CST1: variants seen among roughly 807,000 people sequenced by gnomAD.
CST1 encodes cystatin-SN.
Under a neutral mutation model 10.7 loss-of-function variants are expected in CST1, and 19 were observed. The observed-to-expected ratio is 1.78, with a 90% CI of 1.24 to 2.61. The LOEUF (loss-of-function observed/expected upper bound fraction) is 2.61. Among genes scored for constraint, CST1 ranks in the 30% most tolerant of loss-of-function variants. The probability of loss-of-function intolerance (pLI) is 0.00; values close to 1 mark genes in which losing one functional copy is unlikely to be tolerated. For missense variants in CST1, 247 were observed against 178.1 expected (o/e 1.39, Z -2.20); for synonymous variants, 95 against 72.8 (o/e 1.31, Z -1.55).
chr20:23,749,262 C>A, intron 1 of CST1, 133 bp from the exon 2 acceptor site: 1 of 806,442 alleles, frequency 1.2e-6, no homozygotes. Flanking sequence ...CACACAAGCC[C>A]CCTCTTCCTG....
intron 1 of CST1, among the ~76,000 whole-genome samples, chr20:23,749,868 G>A (rs771000559): frequency 2.0e-5 from 3 of 149,338 alleles, no homozygotes; most frequent in South Asian, 2.2e-4. Context: ...AGTGTATCTC[G>A]TATGCAGGGA....
chr20:23,750,556 G>C, intron 1 of CST1, 83 bp downstream of exon 1: 1 of 1,234,810 alleles, frequency 8.1e-7, no homozygotes, highest in Non-Finnish European at 1.2e-6. Context: ...ATGTATCAGT[G>C]TTGATTTGCT....
rs1982699541 is a variant in CST1 at position 23,747,715 on chromosome 20, G to A, written c.*101C>T. The A allele has an allele frequency of 1.8e-6, 2 of 1,104,742 alleles. No individual in the cohort carries two copies. The highest frequency in any genetic ancestry group is 2.7e-6 in the Non-Finnish European group (2 of 746,860). The allele number at this position is 1,104,742 out of a possible 1,614,324, so 68.4% of individuals were successfully genotyped here. ...TGTCTGTCTCTTGGCGCAGGCACAT[G>A]GGGAGGCCTCCCGCAGGGTGGGGGC... is the stretch of plus-strand genomic sequence containing the variant. On this transcript the variant is annotated 3_prime_UTR_variant, in exon 3 of 3. Coordinates refer to ENST00000304749, the MANE Select transcript of CST1 (RefSeq NM_001898.3).
chr20:23,750,573 G>T (rs922708945), intron 1 of CST1, 66 bp downstream of exon 1: 12 of 1,385,764 alleles, frequency 8.7e-6, no homozygotes, highest in Non-Finnish European at 1.2e-5. Context: ...TGCTGGGAAT[G>T]CTCTTGGGGG....
Position 23,750,783 on chromosome 20 carries a change from C to T in CST1, c.84G>A (p.Arg28=), listed in dbSNP as rs1982816603. 1 of 1,614,046 alleles carries T rather than the reference C, an allele frequency of 6.2e-7. No individual in the cohort carries two copies. Among genetic ancestry groups the T allele is most frequent in the African/African-American group, 1.3e-5 (1 of 74,924 alleles). ...ALAWSPKEED[R]IIPGGIYNAD... Reference sequence around the variant, plus strand: ...CGTTATAGATGCCACCCGGGATTATCCTATCCTCCTCCTTGGGGCTCCAGG... The same window carrying T: ...CGTTATAGATGCCACCCGGGATTATTCTATCCTCCTCCTTGGGGCTCCAGG... Residue 28 remains arginine (R), a synonymous_variant, in exon 1 of 3, where the codon AGG becomes AGA. Transcript: ENST00000304749.
Position 23,747,841 on chromosome 20 carries a change from A to T in CST1, c.401T>A (p.Val134Glu), listed in dbSNP as rs1283806995. ...EVPWENRRSL[V>E]KSRCQES Reference sequence around the variant, plus strand: ...CTAGGATTCTTGACACCTGGATTTCACCAGGGACCTTCTGTTCTCCCAGGG... The same window carrying T: ...CTAGGATTCTTGACACCTGGATTTCTCCAGGGACCTTCTGTTCTCCCAGGG... The change falls in exon 3 of 3, where the codon GTG (valine) becomes GAG (glutamate). Residue 134 changes from valine to glutamate, a missense_variant. Val to Glu is a moderately radical substitution (Grantham distance 121, BLOSUM62 -2). Coordinates refer to ENST00000304749, the MANE Select transcript of CST1 (RefSeq NM_001898.3). 6.2e-7 allele frequency: 1 copy of T among 1,613,970 alleles called. No homozygotes were observed. Among genetic ancestry groups the T allele is most frequent in the Non-Finnish European group, 8.5e-7 (1 of 1,179,888 alleles).
At chr20:23,748,236 C>T (rs4549181) in intron 2 of CST1, among the ~76,000 whole-genome samples, 50,286 of 151,992 alleles carry the variant, frequency 0.33, 8,991 homozygotes, top group African/African-American at 0.47. Flanking sequence ...CTCCTTCCAC[C>T]TCCAGCACCC....
At chr20:23,748,134 C>A (rs1312974359) in intron 2 of CST1, among the ~76,000 whole-genome samples, 1 of 152,168 alleles carries the variant, frequency 6.6e-6, no homozygotes. Context: ...CTGCAGTGTC[C>A]TGTCCCAGCA....
chr20:23,748,757 T>C (rs1004447204), intron 2 of CST1, among the ~76,000 whole-genome samples: 2 of 150,918 alleles, frequency 1.3e-5, no homozygotes, highest in Non-Finnish European at 3.0e-5. Context: ...CCCCCACACA[T>C]CCATGCACAG....
In CST1 at chr20:23,747,651, G is replaced by T; in HGVS notation, c.*165C>A. 1 of 636,808 alleles carries T rather than the reference G, an allele frequency of 1.6e-6. No homozygotes were observed. Among genetic ancestry groups the T allele is most frequent in the South Asian group, 1.9e-5 (1 of 52,090 alleles). The allele number at this position is 636,808 out of a possible 1,614,324, so 39.4% of individuals were successfully genotyped here. A position where few individuals can be genotyped will look rare whatever the true frequency, so the allele number is the denominator to read the frequency against. ...GCAAGAAGGAAGGAGGGAGGGCAGAGCGCCCTGCTGAGCAACAAAGGACTC... is the reference window on the plus strand; with the variant it reads ...GCAAGAAGGAAGGAGGGAGGGCAGATCGCCCTGCTGAGCAACAAAGGACTC... On this transcript the variant is annotated 3_prime_UTR_variant, in exon 3 of 3. Transcript: ENST00000304749.
In CST1 at chr20:23,747,821, A is replaced by G. The variant is rs150764093; in HGVS notation, c.421T>C (p.Ser141Pro). The G allele has an allele frequency of 6.2e-7, 1 of 1,613,830 alleles. No individual in the cohort carries two copies. The highest frequency in any genetic ancestry group is 2.2e-5 in the East Asian group (1 of 44,860). Residue 141 changes from serine (S) to proline (P), a missense_variant, in exon 3 of 3, where the codon TCC (serine) becomes CCC (proline). By Grantham distance (74) the Ser-to-Pro change is moderately conservative (BLOSUM62 -1). Transcript: ENST00000304749. ...GAATGGCCTGGCACAGATCCCTAGG[A>G]TTCTTGACACCTGGATTTCACCAGG... ...RSLVKSRCQE[S>P]
At chr20:23,750,075 CACTGTCCTCA>C (rs1982787310) in intron 1 of CST1, among the ~76,000 whole-genome samples, 1 of 151,962 alleles carries the variant, frequency 6.6e-6, no homozygotes, top group Non-Finnish European at 1.5e-5. Flanking sequence ...GCTGGGTGAC[CACTGTCCTCA>C]TCTGGCTGAG....
chr20:23,750,245 G>A (rs547705648), intron 1 of CST1, among the ~76,000 whole-genome samples: 2 of 152,336 alleles, frequency 1.3e-5, no homozygotes, highest in East Asian at 3.9e-4. Flanking sequence ...ACTTGGGGAA[G>A]CAGGGCTCTG....
chr20:23,748,716 C>A (rs1478613170), intron 2 of CST1, among the ~76,000 whole-genome samples: 1 of 152,090 alleles, frequency 6.6e-6, no homozygotes, highest in Admixed American at 6.5e-5. Flanking sequence ...ACCCCTCATC[C>A]CCATGGATCT....
chr20:23,750,819 A>T lies in CST1; in HGVS notation c.48T>A (p.Ala16=). 1.2e-6 allele frequency: 2 copies of T among 1,614,012 alleles called. No individual in the cohort carries two copies. The highest frequency in any genetic ancestry group is 1.7e-6 in the Non-Finnish European group (2 of 1,179,968). ...CCTTGGGGCTCCAGGCCAGGGCCAC[A>T]GCTAGGGTGGCCAGCAGGAGCAGCA... ...STLLLLLATL[A]VALAWSPKEE... The change falls in exon 1 of 3, where the codon GCT becomes GCA. Residue 16 remains alanine, a synonymous_variant. Transcript: ENST00000304749.
intron 2 of CST1, among the ~76,000 whole-genome samples, chr20:23,748,288 G>A (rs1393752104): frequency 1.3e-5 from 2 of 152,108 alleles, no homozygotes; most frequent in Non-Finnish European, 2.9e-5. Flanking sequence ...ACCCAGGGCA[G>A]GGCAACTCCC....
rs187564181 is a variant in CST1 at position 23,749,501 on chromosome 20, A to C, written c.229-372T>G. 1.6e-3 allele frequency among the ~76,000 whole-genome samples: 241 copies of C among 152,286 alleles called. 2 individuals carry two copies. Among genetic ancestry groups the C allele is most frequent in the Non-Finnish European group, 1.3e-3 (88 of 68,022 alleles). ...CTCAGAGTAGGAAATGAGATGCTTCACACACACAGATATTTTGGATCAATG... is the reference window on the plus strand; with the variant it reads ...CTCAGAGTAGGAAATGAGATGCTTCCCACACACAGATATTTTGGATCAATG... On this transcript the variant is annotated intron_variant, in intron 1 of 2. Coordinates refer to ENST00000304749, the MANE Select transcript of CST1 (RefSeq NM_001898.3).
rs374536512 is a variant in CST1, at chr20:23,747,813, T to C, written c.*3A>G. The C allele has an allele frequency of 2.1e-4, 332 of 1,613,420 alleles. No homozygotes were observed. Among genetic ancestry groups the C allele is most frequent in the Non-Finnish European group, 2.5e-4 (295 of 1,179,484 alleles). The stretch of plus-strand genomic sequence containing the variant: ...GCTGGTGCGAATGGCCTGGCACAGA[T>C]CCCTAGGATTCTTGACACCTGGATT... On this transcript the variant is annotated 3_prime_UTR_variant, in exon 3 of 3. Coordinates refer to ENST00000304749, the MANE Select transcript of CST1 (RefSeq NM_001898.3).
At chr20:23,750,372 GTC>G (rs1238878360) in intron 1 of CST1, among the ~76,000 whole-genome samples, 1 of 152,182 alleles carries the variant, frequency 6.6e-6, no homozygotes, top group African/African-American at 2.4e-5. Flanking sequence ...AGTAAGCACA[GTC>G]TCCATCCACA....
Sources: gnomAD v4.1 joint callset for allele counts (sites outside exome capture counted in the v4.1 genomes callset) on GRCh38, gnomAD v4.1.1 for gene constraint, MANE v1.5 for transcripts, NCBI Gene and HGNC (gene_info 2026-07-23, HGNC 2026-07-21) for gene names.